Variants in PTPRD observed in about 807,000 individuals in gnomAD.
PTPRD encodes the protein protein tyrosine phosphatase receptor type D, also known as receptor-type tyrosine-protein phosphatase delta.
A neutral mutation model predicts 214.5 loss-of-function variants in PTPRD; 34 were observed. That is an observed-to-expected ratio of 0.16 (90% CI 0.12 to 0.21). The LOEUF (loss-of-function observed/expected upper bound fraction) is 0.21. Ranked by LOEUF, PTPRD falls within the 10% of genes least tolerant of loss-of-function variation. The probability of loss-of-function intolerance (pLI) is 1.00; values close to 1 mark genes in which losing one functional copy is unlikely to be tolerated. For missense variants in PTPRD, 2,545 were observed against 2,398.7 expected (o/e 1.06, Z -1.27); for synonymous variants, 1,128 against 845.7 (o/e 1.33, Z -5.79).
At chr9:9,705,973 A>T (rs1406149610) in intron 7 of PTPRD, among the ~76,000 whole-genome samples, 2 of 152,144 alleles carry the variant, frequency 1.3e-5, no homozygotes, top group Non-Finnish European at 2.9e-5. Context: ...TGGGCCAATT[A>T]ATGGCTTTGG....
intron 4 of PTPRD, among the ~76,000 whole-genome samples, chr9:9,957,417 G>A (rs904970139): frequency 6.6e-6 from 1 of 151,712 alleles, no homozygotes; most frequent in Admixed American, 6.6e-5. Context: ...ATGTTTCAAA[G>A]GAAAAAACAG....
At chr9:10,380,940 G>C (rs1336521826) in intron 2 of PTPRD, among the ~76,000 whole-genome samples, 1 of 151,800 alleles carries the variant, frequency 6.6e-6, no homozygotes, top group East Asian at 1.9e-4. Flanking sequence ...GTTTTTCACA[G>C]GTATATTTCA....
rs1055567731 is a variant in PTPRD at position 8,404,543 on chromosome 9, T to C, written c.4204A>G (p.Ile1402Val). 2.5e-6 allele frequency: 4 copies of C among 1,611,920 alleles called. No individual in the cohort carries two copies. The highest frequency in any genetic ancestry group is 1.3e-5 in the African/African-American group (1 of 74,922). The change falls in exon 36 of 46, where the codon ATA becomes GTA. Residue 1402 changes from isoleucine (I) to valine (V), a missense_variant. By Grantham distance (29) the Ile-to-Val change is conservative (BLOSUM62 3). Transcript: ENST00000381196. ...GATGTCTGCATTTCCTTACCTTCTA[T>C]AGCTGATAGGAGAACCCGGGAATGA... ...YDHSRVLLSA[I>V]EGIPGSDYVN...
At chr9:8,357,431 A>C (rs971070827) in intron 39 of PTPRD, among the ~76,000 whole-genome samples, 1 of 152,212 alleles carries the variant, frequency 6.6e-6, no homozygotes, top group Non-Finnish European at 1.5e-5. Context: ...GGAGACCCCA[A>C]GCTGCCTTCC....
chr9:8,521,610 C>T (rs2138931796), intron 19 of PTPRD, 64 bp from the exon 20 acceptor site: 3 of 1,540,512 alleles, frequency 1.9e-6, no homozygotes, highest in Non-Finnish European at 2.6e-6. Context: ...TTATTAAACA[C>T]ATGACATGCA....
intron 11 of PTPRD, among the ~76,000 whole-genome samples, chr9:8,819,353 A>T (rs1489671933): frequency 6.6e-6 from 1 of 152,046 alleles, no homozygotes; most frequent in Non-Finnish European, 1.5e-5. Context: ...TTATTTTATT[A>T]TATTTCTCTA....
chr9:10,572,734 A>G (rs955515508), intron 2 of PTPRD, among the ~76,000 whole-genome samples: 1 of 152,172 alleles, frequency 6.6e-6, no homozygotes, highest in Non-Finnish European at 1.5e-5. Flanking sequence ...AATCAAGTAA[A>G]TGTATTGACT....
chr9:9,424,468 G>C (rs1476483292), intron 8 of PTPRD, among the ~76,000 whole-genome samples: 1 of 152,150 alleles, frequency 6.6e-6, no homozygotes, highest in East Asian at 1.9e-4. Flanking sequence ...GTTCACTGGG[G>C]TGAAGTGGGG....
intron 14 of PTPRD, among the ~76,000 whole-genome samples, chr9:8,533,594 A>C (rs1053393697): frequency 6.6e-6 from 1 of 151,968 alleles, no homozygotes; most frequent in African/African-American, 2.4e-5. Flanking sequence ...GTTATCATGA[A>C]GCATTCATCC....
chr9:10,513,585 G>T (rs1180726320), intron 2 of PTPRD, among the ~76,000 whole-genome samples: 1 of 152,138 alleles, frequency 6.6e-6, no homozygotes, highest in African/African-American at 2.4e-5. Flanking sequence ...TGGGAACATG[G>T]TAAGATTGTA....
chr9:8,402,896 G>T (rs1338438355), intron 36 of PTPRD, among the ~76,000 whole-genome samples: 1 of 151,808 alleles, frequency 6.6e-6, no homozygotes, highest in Non-Finnish European at 1.5e-5. Context: ...GCTAACTCTT[G>T]AACACTTAGT....
At chr9:8,687,001 T>A (rs536813905) in intron 12 of PTPRD, among the ~76,000 whole-genome samples, 2 of 152,212 alleles carry the variant, frequency 1.3e-5, no homozygotes. Context: ...CTGTGTAACA[T>A]TGCTTTTCAC....
chr9:9,439,133 G>A (rs1410857001), intron 8 of PTPRD, among the ~76,000 whole-genome samples: 1 of 151,882 alleles, frequency 6.6e-6, no homozygotes, highest in Non-Finnish European at 1.5e-5. Context: ...AATATATATG[G>A]CTTATATGAC....
intron 9 of PTPRD, among the ~76,000 whole-genome samples, chr9:9,286,499 T>A (rs1346168733): frequency 6.6e-6 from 1 of 151,816 alleles, no homozygotes; most frequent in Non-Finnish European, 1.5e-5. Context: ...TAATGTCCAT[T>A]CACAACTCTG....
intron 3 of PTPRD, among the ~76,000 whole-genome samples, chr9:10,084,449 T>C (rs530479563): frequency 6.6e-6 from 1 of 151,848 alleles, no homozygotes; most frequent in Non-Finnish European, 1.5e-5. Flanking sequence ...AAAAATAAAA[T>C]CCATGATTAA....
intron 10 of PTPRD, among the ~76,000 whole-genome samples, chr9:9,102,621 G>C (rs1014465704): frequency 1.3e-5 from 2 of 152,198 alleles, no homozygotes; most frequent in South Asian, 4.1e-4. Context: ...GGCTGATTAC[G>C]TAGATAATTT....
chr9:8,421,267 C>T (rs141159393), intron 35 of PTPRD, among the ~76,000 whole-genome samples: 2 of 152,238 alleles, frequency 1.3e-5, no homozygotes, highest in Non-Finnish European at 2.9e-5. Flanking sequence ...CTCCCTCTTT[C>T]TCTCATTCCT....
At chr9:9,680,387 A>G (rs1455419777) in intron 7 of PTPRD, among the ~76,000 whole-genome samples, 1 of 151,902 alleles carries the variant, frequency 6.6e-6, no homozygotes, top group African/African-American at 2.4e-5. Context: ...TTGTGGATCA[A>G]GCCCAGAAAT....
At chr9:8,320,496 A>T (rs1313846673) in intron 44 of PTPRD, among the ~76,000 whole-genome samples, 1 of 152,106 alleles carries the variant, frequency 6.6e-6, no homozygotes, top group Admixed American at 6.6e-5. Context: ...ATGAGAAAAG[A>T]GATGGTATAA....
Sources: gnomAD v4.1 joint callset for allele counts (sites outside exome capture counted in the v4.1 genomes callset) on GRCh38, gnomAD v4.1.1 for gene constraint, MANE v1.5 for transcripts, NCBI Gene and HGNC (gene_info 2026-07-23, HGNC 2026-07-21) for gene names.